SYPL2: variants seen among roughly 807,000 people sequenced by gnomAD.
SYPL2 encodes synaptophysin like 2.
SYPL2 carries 24 observed loss-of-function variants against 31.3 expected under a neutral mutation model. The ratio of observed to expected loss-of-function variants is 0.77; its 90% CI spans 0.56 to 1.08. The LOEUF is 1.08. SYPL2 is among the 50% of genes least tolerant of loss of function. The pLI is 0.00. For synonymous variants in SYPL2, 144 were observed against 143.1 expected, an observed-to-expected ratio of 1.01 and a Z score of -0.05; for missense variants, 342 against 360.1, an observed-to-expected ratio of 0.95 and a Z score of 0.41.
At chr1:109,471,553 TG>T (rs778122767) in intron 2 of SYPL2, among the ~76,000 whole-genome samples, 15 of 151,036 alleles carry the variant, frequency 9.9e-5, no homozygotes, top group Non-Finnish European at 1.9e-4. Flanking sequence ...ATTGGGCACT[TG>T]AAATGTGCCT....
intron 4 of SYPL2, 84 bp downstream of exon 4, chr1:109,477,061 A>T: frequency 6.5e-7 from 1 of 1,528,996 alleles, no homozygotes; most frequent in Non-Finnish European, 9.0e-7. Flanking sequence ...GCAGAGGACA[A>T]GCATGGCGGC....
rs372342837 is a variant in SYPL2 at position 109,479,558 on chromosome 1, C to A, written c.*10C>A. 1.1e-5 allele frequency: 18 copies of A among 1,610,930 alleles called. No homozygotes were observed. Among genetic ancestry groups the A allele is most frequent in the East Asian group, 4.5e-5 (2 of 44,794 alleles). ...AGTGGAGAAGCAGTAAGCAGCCCCC[C>A]ACCTGGCTATTCCCGAACTGGACAG... On this transcript the variant is annotated 3_prime_UTR_variant, in exon 6 of 6. Transcript: ENST00000369872.
intron 2 of SYPL2, among the ~76,000 whole-genome samples, chr1:109,467,440 G>C (rs1655688149): frequency 6.6e-6 from 1 of 152,162 alleles, no homozygotes; most frequent in Non-Finnish European, 1.5e-5. Context: ...CCAGAACTCT[G>C]ATCCTGCACA....
chr1:109,481,040 T>C lies in SYPL2; in HGVS notation c.*1492T>C, dbSNP rs1370508662. 1 of 152,676 alleles carries C rather than the reference T, an allele frequency of 6.5e-6. No individual in the cohort carries two copies. The highest frequency in any genetic ancestry group is 1.5e-5 in the Non-Finnish European group (1 of 68,086). The allele number at this position is 152,676 out of a possible 1,614,324, so 9.5% of individuals were successfully genotyped here. On this transcript the variant is annotated 3_prime_UTR_variant, in exon 6 of 6. Coordinates refer to ENST00000369872, the MANE Select transcript of SYPL2 (RefSeq NM_001040709.2). ...GCCCACTAAGCATCCTAAAGGTGAA[T>C]GTGCCCTGTGCCAATCTCTCCTCAG...
chr1:109,471,873 C>CT (rs879691591), intron 2 of SYPL2, among the ~76,000 whole-genome samples: 56 of 146,080 alleles, frequency 3.8e-4, no homozygotes, highest in African/African-American at 6.8e-4. Context: ...TGCCCGACTA[C>CT]TTTTTTTTTT....
At chr1:109,473,894 A>T (rs1204604675) in intron 2 of SYPL2, among the ~76,000 whole-genome samples, 4 of 16,294 alleles carry the variant, frequency 2.5e-4, no homozygotes, top group African/African-American at 5.0e-4. Context: ...GACTCCATCT[A>T]AAAAAAAAAA....
In SYPL2 at chr1:109,479,478, A is replaced by G; in HGVS notation, c.749A>G (p.Gln250Arg). 1 of 1,614,156 alleles carries G rather than the reference A, an allele frequency of 6.2e-7. No individual in the cohort carries two copies. The highest frequency in any genetic ancestry group is 8.5e-7 in the Non-Finnish European group (1 of 1,180,004). ...CAGGGCCAGGGCCAGGACCAGGACC[A>G]GGACCAGGACCAGGGCCAGGGTCCC... ...HGQGQGQDQD[Q>R]DQDQGQGPSQ... Residue 250 changes from glutamine to arginine, a missense_variant, in exon 6 of 6, where the codon CAG becomes CGG. Physicochemically the swap from Gln to Arg is conservative, Grantham distance 43. Coordinates refer to ENST00000369872, the MANE Select transcript of SYPL2 (RefSeq NM_001040709.2).
Position 109,477,839 on chromosome 1 carries a change from T to C in SYPL2, c.478T>C (p.Phe160Leu). 1 of 1,611,580 alleles carries C rather than the reference T, an allele frequency of 6.2e-7. No individual in the cohort carries two copies. Among genetic ancestry groups the C allele is most frequent in the Non-Finnish European group, 8.5e-7 (1 of 1,178,478 alleles). ...PLVDFCVTVSFTFFWLVAAAA... is the reference protein window; with the variant it reads ...PLVDFCVTVSLTFFWLVAAAA... ...CCAGGACTTCTGTGTGACTGTCTCC[T>C]TCACCTTCTTCTGGCTGGTAGCTGC... The change falls in exon 5 of 6, where the codon TTC becomes CTC. Residue 160 changes from phenylalanine to leucine, a missense_variant. Phe to Leu is a conservative substitution (Grantham distance 22). Coordinates refer to ENST00000369872, the MANE Select transcript of SYPL2 (RefSeq NM_001040709.2).
chr1:109,467,042 C>A lies in SYPL2; in HGVS notation c.55-17C>A. On this transcript the variant is annotated splice_polypyrimidine_tract_variant and intron_variant, in intron 1 of 5. Coordinates refer to ENST00000369872, the MANE Select transcript of SYPL2 (RefSeq NM_001040709.2). ...TTCCCCACCGCCCTGACCCCCCGGC[C>A]GGCTGTGTCTCCGCAGGTGGACCGC... 1 of 1,543,480 alleles carries A rather than the reference C, an allele frequency of 6.5e-7. No homozygotes were observed. The highest frequency in any genetic ancestry group is 8.7e-7 in the Non-Finnish European group (1 of 1,145,804).
chr1:109,471,391 G>C (rs1488326023), intron 2 of SYPL2, among the ~76,000 whole-genome samples: 1 of 152,142 alleles, frequency 6.6e-6, no homozygotes, highest in East Asian at 1.9e-4. Flanking sequence ...AGTTATTGTG[G>C]GTGTATTTTG....
At position 109,478,122 on chromosome 1, in the gene SYPL2, C is replaced by T. The variant is rs780112600; in HGVS notation, c.648+113C>T. 2.0e-6 allele frequency: 3 copies of T among 1,482,198 alleles called. No homozygotes were observed. Among genetic ancestry groups the T allele is most frequent in the Non-Finnish European group, 1.8e-6 (2 of 1,117,082 alleles). The allele number at this position is 1,482,198 out of a possible 1,614,324, so 91.8% of individuals were successfully genotyped here. ...TGTCCCAGAGCTGGTGTCCCCTGCA[C>T]CTGGAGCTGGTGCCCTCACTGCGCT... On this transcript the variant is annotated intron_variant, in intron 5 of 5. Transcript: ENST00000369872. The surrounding 1 kb of genome is among the most constrained non-coding windows in gnomAD (Gnocchi z 4.0).
At chr1:109,467,293 CT>C (rs1195980293) in intron 2 of SYPL2, among the ~76,000 whole-genome samples, 160 bp downstream of exon 2, 6 of 152,070 alleles carry the variant, frequency 3.9e-5, no homozygotes. Context: ...CGGGCTGGGG[CT>C]GCTTCTCCGG....
chr1:109,475,533 G>A (rs1187272979), intron 2 of SYPL2, 48 bp from the exon 3 acceptor site: 4 of 1,596,256 alleles, frequency 2.5e-6, no homozygotes, highest in Admixed American at 3.4e-5. Flanking sequence ...TCTCGACTTT[G>A]GCCAGTTGAG....
rs75745074 is a variant in SYPL2 at position 109,472,963 on chromosome 1, C to T, written c.130-2618C>T. Among the ~76,000 whole-genome samples the T allele has an allele frequency of 2.8e-3, 429 of 152,242 alleles. 2 individuals carry two copies. Among genetic ancestry groups the T allele is most frequent in the African/African-American group, 8.4e-3 (348 of 41,558 alleles). On this transcript the variant is annotated intron_variant, in intron 2 of 5. Transcript: ENST00000369872. ...CTATAAGGAGCCATTCACTGACTAACTGCCAACGGGTAAAAATATTTCCAA... is the reference window on the plus strand; with the variant it reads ...CTATAAGGAGCCATTCACTGACTAATTGCCAACGGGTAAAAATATTTCCAA...
At chr1:109,471,493 G>A (rs772768217) in intron 2 of SYPL2, among the ~76,000 whole-genome samples, 3 of 152,172 alleles carry the variant, frequency 2.0e-5, no homozygotes, top group Non-Finnish European at 2.9e-5. Context: ...TAATGGAAAA[G>A]TTTTAGAATC....
chr1:109,478,110 G>T lies in SYPL2; in HGVS notation c.648+101G>T. 1 of 1,510,244 alleles carries T rather than the reference G, an allele frequency of 6.6e-7. No individual in the cohort carries two copies. The highest frequency in any genetic ancestry group is 8.9e-7 in the Non-Finnish European group (1 of 1,129,668). The allele number at this position is 1,510,244 out of a possible 1,614,324, so 93.6% of individuals were successfully genotyped here. A position where few individuals can be genotyped will look rare whatever the true frequency, so the allele number is the denominator to read the frequency against. ...GGAAAGAGAGGGTGTCCCAGAGCTG[G>T]TGTCCCCTGCACCTGGAGCTGGTGC... On this transcript the variant is annotated intron_variant, in intron 5 of 5. Transcript: ENST00000369872. This position sits in a 1 kb window ranked among gnomAD's most constrained non-coding sequence, Gnocchi z 4.0.
intron 2 of SYPL2, among the ~76,000 whole-genome samples, chr1:109,472,030 ATTAACT>A (rs556491283): frequency 2.0e-5 from 3 of 152,148 alleles, no homozygotes; most frequent in Admixed American, 2.0e-4. Flanking sequence ...TTTAATTCTG[ATTAACT>A]TAAACTTAAA....
At chr1:109,466,984 G>C (rs1487020066) in intron 1 of SYPL2, 75 bp from the exon 2 acceptor site, 94 of 1,536,716 alleles carry the variant, frequency 6.1e-5, no homozygotes, top group Non-Finnish European at 8.0e-5. Flanking sequence ...GACCGCGTGT[G>C]AGTGGGGCAA....
intron 2 of SYPL2, among the ~76,000 whole-genome samples, chr1:109,468,983 G>A (rs758179744): frequency 5.9e-5 from 9 of 152,182 alleles, no homozygotes; most frequent in Non-Finnish European, 1.5e-5. Flanking sequence ...CCTGGGCCCT[G>A]GGCTAGACTC....
Sources: gnomAD v4.1 joint callset for allele counts (sites outside exome capture counted in the v4.1 genomes callset) on GRCh38, gnomAD v4.1.1 for gene constraint, Gnocchi (gnomAD v3.1) non-coding constraint, MANE v1.5 for transcripts, NCBI Gene and HGNC (gene_info 2026-07-23, HGNC 2026-07-21) for gene names.